Variants in RNGTT observed in about 807,000 individuals in gnomAD.
The protein encoded by RNGTT is RNA guanylyltransferase and 5'-phosphatase.
A neutral mutation model predicts 79.3 loss-of-function variants in RNGTT; 33 were observed. The observed-to-expected ratio is 0.42, with a 90% CI of 0.32 to 0.56. The LOEUF (loss-of-function observed/expected upper bound fraction) is 0.56. Ranked by LOEUF, RNGTT falls within the 20% of genes least tolerant of loss-of-function variation. The probability of loss-of-function intolerance (pLI) is 0.17; values close to 1 mark genes in which losing one functional copy is unlikely to be tolerated. For missense variants in RNGTT, 497 were observed against 739.1 expected, an observed-to-expected ratio of 0.67 and a Z score of 3.80; for synonymous variants, 222 against 235.9, an observed-to-expected ratio of 0.94 and a Z score of 0.54.
At chr6:88,775,237 T>C (rs915766758) in intron 12 of RNGTT, among the ~76,000 whole-genome samples, 1 of 152,196 alleles carries the variant, frequency 6.6e-6, no homozygotes, top group Non-Finnish European at 1.5e-5. Flanking sequence ...TGTGTGTACA[T>C]GTGTGTCAAG....
At chr6:88,747,696 T>C (rs989440069) in intron 13 of RNGTT, among the ~76,000 whole-genome samples, 1 of 152,140 alleles carries the variant, frequency 6.6e-6, no homozygotes, top group Non-Finnish European at 1.5e-5. Flanking sequence ...GAGAACAAAC[T>C]GGAACTGATG....
chr6:88,839,318 C>G (rs1781185917), intron 11 of RNGTT, among the ~76,000 whole-genome samples: 1 of 152,094 alleles, frequency 6.6e-6, no homozygotes, highest in African/African-American at 2.4e-5. Context: ...TGCCTGTAAT[C>G]TCAACACTTT....
chr6:88,679,886 A>G (rs912384255), intron 13 of RNGTT, among the ~76,000 whole-genome samples: 5 of 152,202 alleles, frequency 3.3e-5, no homozygotes, highest in African/African-American at 1.2e-4. Flanking sequence ...GATTACACAT[A>G]AAGAAGAAGA....
intron 11 of RNGTT, among the ~76,000 whole-genome samples, chr6:88,806,016 C>A (rs929410198): frequency 1.3e-5 from 2 of 152,138 alleles, no homozygotes; most frequent in African/African-American, 4.8e-5. Flanking sequence ...CCCCTCCCCA[C>A]CCACAAATGA....
At chr6:88,913,228 A>AAC (rs1783892195) in intron 4 of RNGTT, among the ~76,000 whole-genome samples, 4 of 129,786 alleles carry the variant, frequency 3.1e-5, no homozygotes, top group Admixed American at 7.6e-5. Context: ...AAAAAAAAAC[A>AAC]AAAAAAAAAA....
chr6:88,876,743 G>A (rs1782531723), intron 8 of RNGTT, among the ~76,000 whole-genome samples: 1 of 152,120 alleles, frequency 6.6e-6, no homozygotes, highest in Non-Finnish European at 1.5e-5. Flanking sequence ...AAATATTAAC[G>A]AAAAATTCAT....
intron 11 of RNGTT, among the ~76,000 whole-genome samples, chr6:88,834,023 A>T (rs906942702): frequency 6.6e-6 from 1 of 152,376 alleles, no homozygotes; most frequent in East Asian, 1.9e-4. Context: ...TTCGTCTCAA[A>T]AAAAAGAATA....
chr6:88,824,748 CT>C (rs59203172), intron 11 of RNGTT, among the ~76,000 whole-genome samples: 5,753 of 135,798 alleles, frequency 0.042, 262 homozygotes, highest in African/African-American at 0.14. Flanking sequence ...CGTTTGTTTT[CT>C]TTTTTTTTTT....
At chr6:88,660,289 C>G (rs1774131015) in intron 14 of RNGTT, among the ~76,000 whole-genome samples, 1 of 152,110 alleles carries the variant, frequency 6.6e-6, no homozygotes. Context: ...ATGAATAGAA[C>G]AGTACCTCAC....
intron 12 of RNGTT, among the ~76,000 whole-genome samples, chr6:88,794,639 C>A (rs1779534054): frequency 6.6e-6 from 1 of 152,102 alleles, no homozygotes; most frequent in Non-Finnish European, 1.5e-5. Context: ...AATATAACCA[C>A]AGCCCATAGA....
chr6:88,679,974 C>T (rs368683031), intron 13 of RNGTT, among the ~76,000 whole-genome samples: 29 of 152,198 alleles, frequency 1.9e-4, no homozygotes, highest in African/African-American at 6.7e-4. Context: ...AAGTTAATGG[C>T]CTTTTAACAT....
At chr6:88,894,711 T>G (rs371316891) in intron 6 of RNGTT, among the ~76,000 whole-genome samples, 4 of 152,278 alleles carry the variant, frequency 2.6e-5, no homozygotes, top group South Asian at 4.1e-4. Context: ...ATGGTTTCAC[T>G]CCTTGAAAAT....
At chr6:88,958,492 A>G (rs1398702261) in intron 1 of RNGTT, among the ~76,000 whole-genome samples, 2 of 152,232 alleles carry the variant, frequency 1.3e-5, no homozygotes, top group African/African-American at 2.4e-5. Flanking sequence ...ACTAATATCC[A>G]GAATCTACAA....
intron 13 of RNGTT, among the ~76,000 whole-genome samples, chr6:88,716,603 G>A (rs1447538460): frequency 6.6e-6 from 1 of 152,184 alleles, no homozygotes; most frequent in Non-Finnish European, 1.5e-5. Flanking sequence ...TTAAGAAAAT[G>A]TGGCACATAT....
chr6:88,755,882 C>A (rs1355848153), intron 13 of RNGTT, among the ~76,000 whole-genome samples: 1 of 148,478 alleles, frequency 6.7e-6, no homozygotes, highest in African/African-American at 2.5e-5. Flanking sequence ...ACTGCTTGAA[C>A]CTGGGAGGCA....
chr6:88,907,630 G>A (rs1783698346), intron 4 of RNGTT, among the ~76,000 whole-genome samples: 1 of 150,022 alleles, frequency 6.7e-6, no homozygotes, highest in African/African-American at 2.4e-5. Flanking sequence ...TTTGAAAATA[G>A]TAATTAAAAC....
chr6:88,746,647 C>T (rs577337899), intron 13 of RNGTT, among the ~76,000 whole-genome samples: 10 of 152,126 alleles, frequency 6.6e-5, no homozygotes, highest in African/African-American at 1.2e-4. Context: ...AATCTAATAC[C>T]GCCACTGATC....
intron 8 of RNGTT, among the ~76,000 whole-genome samples, chr6:88,881,945 C>T (rs1227549708): frequency 1.3e-5 from 2 of 152,122 alleles, no homozygotes; most frequent in Non-Finnish European, 2.9e-5. Flanking sequence ...AAGATTTAAC[C>T]TTTCTTTGGA....
intron 6 of RNGTT, among the ~76,000 whole-genome samples, chr6:88,895,121 C>A (rs1057286084): frequency 6.6e-6 from 1 of 151,588 alleles, no homozygotes; most frequent in Non-Finnish European, 1.5e-5. Flanking sequence ...AGTCAGCTAG[C>A]CTTAAAATTA....
Sources: gnomAD v4.1 joint callset for allele counts (sites outside exome capture counted in the v4.1 genomes callset) on GRCh38, gnomAD v4.1.1 for gene constraint, MANE v1.5 for transcripts, NCBI Gene and HGNC (gene_info 2026-07-23, HGNC 2026-07-21) for gene names.